DRAXIN: variants seen among roughly 807,000 people sequenced by gnomAD.
DRAXIN encodes the protein dorsal repulsive axon guidance protein.
Under a neutral mutation model 33.9 loss-of-function variants are expected in DRAXIN, and 27 were observed. That is an observed-to-expected ratio of 0.80 (90% CI 0.59 to 1.10). The LOEUF (loss-of-function observed/expected upper bound fraction) is 1.10, where lower values mean the gene tolerates loss of function less well. Ranked by LOEUF, DRAXIN falls within the 50% of genes least tolerant of loss-of-function variation. The pLI is 0.00. For synonymous variants in DRAXIN, 178 were observed against 194.0 expected (o/e 0.92, Z 0.69); for missense variants, 371 against 460.8 (o/e 0.81, Z 1.78).
upstream of DRAXIN, among the ~76,000 whole-genome samples, chr1:11,691,055 C>T (rs892811652): frequency 1.3e-5 from 2 of 152,192 alleles, no homozygotes; most frequent in African/African-American, 4.8e-5. Context: ...TTTGAAGACC[C>T]TTTGTACCCC....
At chr1:11,693,931 C>T (rs1450432540) in intron 1 of DRAXIN, among the ~76,000 whole-genome samples, 1 of 152,162 alleles carries the variant, frequency 6.6e-6, no homozygotes, top group Non-Finnish European at 1.5e-5. Context: ...GTCCCCTCTG[C>T]GTCCCAGGTT....
intron 5 of DRAXIN, 54 bp from the exon 6 acceptor site, chr1:11,715,065 T>C (rs956937184): frequency 1.3e-6 from 2 of 1,596,100 alleles, no homozygotes; most frequent in African/African-American, 2.7e-5. Flanking sequence ...AGTGCAGGGC[T>C]GCGGGGAGGG....
In DRAXIN at chr1:11,721,857, C is replaced by T. The variant is rs1641663168; in HGVS notation, c.*2161C>T. On this transcript the variant is annotated 3_prime_UTR_variant, in exon 7 of 7. Transcript: ENST00000294485. ...AAAATTAAGGCTGGGCACGAGGGCT[C>T]ATGTCTGACATCCCAGCACTCTGGG... 1 of 152,228 alleles carries T rather than the reference C, an allele frequency of 6.6e-6. No individual in the cohort carries two copies. Among genetic ancestry groups the T allele is most frequent in the Admixed American group, 6.5e-5 (1 of 15,272 alleles). The allele number at this position is 152,228 out of a possible 1,614,324, so 9.4% of individuals were successfully genotyped here.
upstream of DRAXIN, among the ~76,000 whole-genome samples, chr1:11,688,949 G>A (rs532558803): frequency 2.6e-5 from 4 of 152,270 alleles, no homozygotes; most frequent in East Asian, 7.7e-4. This position sits in a 1 kb window ranked among gnomAD's most constrained non-coding sequence, Gnocchi z 4.6. Context: ...CAGTGCCATG[G>A]CAGTTTACAA....
chr1:11,699,955 A>C (rs1021854693), intron 1 of DRAXIN, among the ~76,000 whole-genome samples: 1 of 148,162 alleles, frequency 6.7e-6, no homozygotes, highest in African/African-American at 2.5e-5. Flanking sequence ...TAAATAAAGT[A>C]AATCCAGGTG....
intron 6 of DRAXIN, among the ~76,000 whole-genome samples, chr1:11,715,640 CCAGCATGT>C (rs1200796712): frequency 6.6e-6 from 1 of 152,070 alleles, no homozygotes; most frequent in Non-Finnish European, 1.5e-5. Context: ...GGTGGGTTTC[CCAGCATGT>C]CCCAGGGAAG....
rs947722872 is a variant in DRAXIN, at chr1:11,725,578, C to T, written c.*5882C>T. 1.3e-5 allele frequency: 2 copies of T among 152,198 alleles called. No homozygotes were observed. Among genetic ancestry groups the T allele is most frequent in the Admixed American group, 6.5e-5 (1 of 15,282 alleles). The allele number at this position is 152,198 out of a possible 1,614,324, so 9.4% of individuals were successfully genotyped here. A position where few individuals can be genotyped will look rare whatever the true frequency, so the allele number is the denominator to read the frequency against. On this transcript the variant is annotated 3_prime_UTR_variant, in exon 7 of 7. Coordinates refer to ENST00000294485, the MANE Select transcript of DRAXIN (RefSeq NM_198545.4). ...GCTGGCAAATCCGAGACCTGTTTTG[C>T]GTAGCTAATTACCAGCAATGACAAA...
chr1:11,687,304 A>G (rs901150657), upstream of DRAXIN, among the ~76,000 whole-genome samples: 1 of 152,096 alleles, frequency 6.6e-6, no homozygotes, highest in African/African-American at 2.4e-5. This position sits in a 1 kb window ranked among gnomAD's most constrained non-coding sequence, Gnocchi z 4.1. Context: ...CGGTGGTGCA[A>G]TCTCGGCTCA....
rs1641196752 is a variant in DRAXIN, at chr1:11,696,647, G to A, written c.-11+4794G>A. On this transcript the variant is annotated intron_variant, in intron 1 of 6. Transcript: ENST00000294485. The surrounding 1 kb of genome is among the most constrained non-coding windows in gnomAD (Gnocchi z 4.7). ...AAGCGAGCAGGTCACGAGGTCAAGA[G>A]ATCGAGAACATCCTAATCAACACGG... 6.6e-6 allele frequency among the ~76,000 whole-genome samples: 1 copy of A among 151,854 alleles called. No individual in the cohort carries two copies. Among genetic ancestry groups the A allele is most frequent in the Non-Finnish European group, 1.5e-5 (1 of 67,978 alleles).
At position 11,716,026 on chromosome 1, in the gene DRAXIN, GC is replaced by G. The variant is rs367860259; in HGVS notation, c.937+821del. On this transcript the variant is annotated intron_variant, in intron 6 of 6. Transcript: ENST00000294485. ...CTCTGACTACAGGCGCATGCCACCA[GC>G]CCAGCTAATTTTTGTATTTCTGGTA... Among the ~76,000 whole-genome samples, 91 of 152,212 alleles carry G rather than the reference GC, an allele frequency of 6.0e-4. 1 individual carries two copies. The South Asian group carries it at 0.015, about 25-fold the overall frequency.
intron 6 of DRAXIN, among the ~76,000 whole-genome samples, chr1:11,716,320 G>A (rs2100743616): frequency 6.6e-6 from 1 of 152,342 alleles, no homozygotes. Flanking sequence ...ATTCCGACAT[G>A]ATTTCTAAGC....
chr1:11,716,607 CCT>C (rs1442359001), intron 6 of DRAXIN, among the ~76,000 whole-genome samples: 5 of 152,078 alleles, frequency 3.3e-5, no homozygotes, highest in African/African-American at 1.2e-4. Flanking sequence ...GGAGCGAGAC[CCT>C]GTCTTAAAAA....
intron 6 of DRAXIN, among the ~76,000 whole-genome samples, chr1:11,717,490 C>T (rs573865167): frequency 6.7e-6 from 1 of 150,328 alleles, no homozygotes; most frequent in South Asian, 2.1e-4. Flanking sequence ...GGTGAAATCC[C>T]ATCTCTACTA....
chr1:11,688,575 A>G (rs1641004408), upstream of DRAXIN, among the ~76,000 whole-genome samples: 1 of 152,054 alleles, frequency 6.6e-6, no homozygotes, highest in East Asian at 1.9e-4. The surrounding 1 kb of genome is among the most constrained non-coding windows in gnomAD (Gnocchi z 4.6). Flanking sequence ...AAAAAAAAGA[A>G]AAAGCAATCA....
rs538720210 is a variant in DRAXIN, at chr1:11,725,569, C to T, written c.*5873C>T. The T allele has an allele frequency of 1.3e-5, 2 of 152,220 alleles. No homozygotes were observed. Among genetic ancestry groups the T allele is most frequent in the South Asian group, 4.1e-4 (2 of 4,830 alleles). 9.4% of individuals were successfully genotyped at this position (152,220 alleles called of 1,614,324 possible). A position where few individuals can be genotyped will look rare whatever the true frequency, so the allele number is the denominator to read the frequency against. ...CAGGTGTGAGCTGGCAAATCCGAGA[C>T]CTGTTTTGCGTAGCTAATTACCAGC... On this transcript the variant is annotated 3_prime_UTR_variant, in exon 7 of 7. Coordinates refer to ENST00000294485, the MANE Select transcript of DRAXIN (RefSeq NM_198545.4).
upstream of DRAXIN, among the ~76,000 whole-genome samples, chr1:11,688,776 A>G (rs577087791): frequency 6.6e-6 from 1 of 152,258 alleles, no homozygotes; most frequent in African/African-American, 2.4e-5. The surrounding 1 kb of genome is among the most constrained non-coding windows in gnomAD (Gnocchi z 4.6). Context: ...CCAGATGGCT[A>G]AGGCATTCTA....
At chr1:11,717,983 A>G (rs1641604236) in intron 6 of DRAXIN, among the ~76,000 whole-genome samples, 1 of 126,920 alleles carries the variant, frequency 7.9e-6, no homozygotes, top group Non-Finnish European at 1.6e-5. Flanking sequence ...TCCAGGCAAC[A>G]GAGCAAGACC....
chr1:11,711,783 T>C, intron 3 of DRAXIN, 68 bp from the exon 4 acceptor site: 1 of 1,453,278 alleles, frequency 6.9e-7, no homozygotes, highest in Admixed American at 1.9e-5. Context: ...TCCTCTGACC[T>C]TGGGACTCCA....
At chr1:11,718,765 G>A (rs1180841685) in intron 6 of DRAXIN, among the ~76,000 whole-genome samples, 1 of 152,210 alleles carries the variant, frequency 6.6e-6, no homozygotes, top group Non-Finnish European at 1.5e-5. Flanking sequence ...ACCGTACCCT[G>A]TGGACTTTAT....
Sources: gnomAD v4.1 joint callset for allele counts (sites outside exome capture counted in the v4.1 genomes callset) on GRCh38, gnomAD v4.1.1 for gene constraint, Gnocchi (gnomAD v3.1) non-coding constraint, MANE v1.5 for transcripts, NCBI Gene and HGNC (gene_info 2026-07-23, HGNC 2026-07-21) for gene names.